Variants in PPP1R14C observed in about 807,000 individuals in gnomAD.
PPP1R14C encodes protein phosphatase 1 regulatory subunit 14C.
Under a neutral mutation model 20.4 loss-of-function variants are expected in PPP1R14C, and 16 were observed. The ratio of observed to expected loss-of-function variants is 0.78; its 90% CI spans 0.53 to 1.19. PPP1R14C has a LOEUF of 1.19. Among genes scored for constraint, PPP1R14C ranks in the 50% most tolerant of loss-of-function variants. The pLI, the probability that PPP1R14C is intolerant of heterozygous loss-of-function variation, is 0.00. For missense variants in PPP1R14C, 211 were observed against 220.1 expected (o/e 0.96, Z 0.26); for synonymous variants, 91 against 91.0 (o/e 1.00, Z 0.00).
chr6:150,230,460 T>C (rs1210236064), intron 3 of PPP1R14C, among the ~76,000 whole-genome samples: 1 of 152,210 alleles, frequency 6.6e-6, no homozygotes, highest in Non-Finnish European at 1.5e-5. Flanking sequence ...GGGAGTTGCA[T>C]GGCCCATGTG....
At chr6:150,186,693 G>A (rs770325632) in intron 1 of PPP1R14C, among the ~76,000 whole-genome samples, 10 of 152,192 alleles carry the variant, frequency 6.6e-5, no homozygotes, top group Non-Finnish European at 1.3e-4. Context: ...AGGGCCTGAG[G>A]CGGGGGATGA....
chr6:150,198,571 G>A (rs181955852), intron 1 of PPP1R14C, among the ~76,000 whole-genome samples: 2 of 152,370 alleles, frequency 1.3e-5, no homozygotes, highest in East Asian at 3.9e-4. Context: ...GTGGAAGATG[G>A]TTTTCTTGAC....
chr6:150,216,353 G>A (rs573565648), intron 2 of PPP1R14C, among the ~76,000 whole-genome samples: 16 of 152,222 alleles, frequency 1.1e-4, no homozygotes, highest in African/African-American at 2.4e-4. Context: ...AAAACTAGCC[G>A]GGTGTGGTGG....
chr6:150,233,253 T>G (rs894873463), intron 3 of PPP1R14C, among the ~76,000 whole-genome samples: 1 of 152,140 alleles, frequency 6.6e-6, no homozygotes, highest in Non-Finnish European at 1.5e-5. Flanking sequence ...GAGGGGCGGT[T>G]AGAGACCCAG....
chr6:150,179,022 T>G (rs970133038), intron 1 of PPP1R14C, among the ~76,000 whole-genome samples: 4 of 152,178 alleles, frequency 2.6e-5, no homozygotes, highest in Non-Finnish European at 5.9e-5. Flanking sequence ...CCTGTTCTAC[T>G]TCCTAAAACA....
intron 1 of PPP1R14C, among the ~76,000 whole-genome samples, chr6:150,157,611 G>A (rs1349586654): frequency 1.3e-5 from 2 of 151,316 alleles, no homozygotes; most frequent in Non-Finnish European, 2.9e-5. Flanking sequence ...AGTCCCAGAA[G>A]CATGGCACTG....
chr6:150,229,344 A>G (rs1457604532), intron 3 of PPP1R14C, among the ~76,000 whole-genome samples: 1 of 152,212 alleles, frequency 6.6e-6, no homozygotes, highest in Non-Finnish European at 1.5e-5. Context: ...TAATTTTGCC[A>G]AATTTACTCT....
rs369908658 is a variant in PPP1R14C, at chr6:150,151,592, A to G, written c.306+8094A>G. On this transcript the variant is annotated intron_variant, in intron 1 of 3. Coordinates refer to ENST00000361131, the MANE Select transcript of PPP1R14C (RefSeq NM_030949.3). ...CACCACTGCTGCTATTGTTTCTACTACTGCTGGGACTAACCCAGCTCTCAG... is the reference window on the plus strand; with the variant it reads ...CACCACTGCTGCTATTGTTTCTACTGCTGCTGGGACTAACCCAGCTCTCAG... 4.6e-5 allele frequency among the ~76,000 whole-genome samples: 7 copies of G among 152,326 alleles called. 1 individual carries two copies.
intron 3 of PPP1R14C, among the ~76,000 whole-genome samples, chr6:150,231,574 G>T (rs1778296968): frequency 6.6e-6 from 1 of 152,072 alleles, no homozygotes; most frequent in Non-Finnish European, 1.5e-5. Context: ...CAGTTCATTT[G>T]TACAATCCTT....
chr6:150,248,860 A>G lies in PPP1R14C; in HGVS notation c.*40A>G. The G allele has an allele frequency of 3.7e-6, 5 of 1,361,220 alleles. No homozygotes were observed. Among genetic ancestry groups the G allele is most frequent in the Non-Finnish European group, 5.2e-6 (5 of 958,578 alleles). 84.3% of individuals were successfully genotyped at this position (1,361,220 alleles called of 1,614,324 possible). ...GAAACTCTCCCAGAGACGAAGAAAG[A>G]GTCCTGGGATTTGTACTTCATGAAG... On this transcript the variant is annotated 3_prime_UTR_variant, in exon 4 of 4. Transcript: ENST00000361131.
chr6:150,172,095 A>C (rs1398866800), intron 1 of PPP1R14C, among the ~76,000 whole-genome samples: 1 of 152,146 alleles, frequency 6.6e-6, no homozygotes, highest in Admixed American at 6.5e-5. Flanking sequence ...GGTGTGAGCC[A>C]CTGCACCCGG....
chr6:150,202,595 G>C (rs758510734), intron 1 of PPP1R14C, among the ~76,000 whole-genome samples: 12 of 152,342 alleles, frequency 7.9e-5, no homozygotes, highest in Middle Eastern at 3.4e-3. Context: ...CGCCGGGACA[G>C]CCCTGCAGGC....
chr6:150,206,354 T>C (rs906427618), intron 1 of PPP1R14C, among the ~76,000 whole-genome samples: 2 of 152,214 alleles, frequency 1.3e-5, no homozygotes, highest in African/African-American at 4.8e-5. Flanking sequence ...AATATTTTTG[T>C]CAATTGTTTA....
intron 1 of PPP1R14C, among the ~76,000 whole-genome samples, chr6:150,197,715 C>G (rs56235233): frequency 4.4e-4 from 66 of 149,004 alleles, no homozygotes; most frequent in Middle Eastern, 3.5e-3. Flanking sequence ...CTTTGTGTGC[C>G]CCTGGCCGCC....
intron 3 of PPP1R14C, among the ~76,000 whole-genome samples, chr6:150,244,018 A>C (rs904466647): frequency 6.6e-6 from 1 of 152,146 alleles, no homozygotes; most frequent in Admixed American, 6.6e-5. Context: ...GAATGGGAGG[A>C]GGGAGATTGC....
At chr6:150,173,849 T>G (rs1777526844) in intron 1 of PPP1R14C, among the ~76,000 whole-genome samples, 1 of 152,010 alleles carries the variant, frequency 6.6e-6, no homozygotes, top group South Asian at 2.1e-4. Flanking sequence ...TCATCTCAAC[T>G]TCAGGATAGC....
intron 1 of PPP1R14C, among the ~76,000 whole-genome samples, chr6:150,168,758 A>C (rs1410557894): frequency 6.6e-6 from 1 of 152,220 alleles, no homozygotes; most frequent in Non-Finnish European, 1.5e-5. Flanking sequence ...TCATGTTTTG[A>C]GTATTTACAA....
chr6:150,174,049 T>A (rs116576737), intron 1 of PPP1R14C, among the ~76,000 whole-genome samples: 82 of 149,326 alleles, frequency 5.5e-4, no homozygotes, highest in African/African-American at 1.9e-3. Context: ...AAGGTATTAT[T>A]GAAAAATAAT....
intron 1 of PPP1R14C, among the ~76,000 whole-genome samples, chr6:150,160,256 CTTTTT>C (rs535189665): frequency 2.0e-4 from 20 of 100,910 alleles, no homozygotes; most frequent in African/African-American, 7.0e-4. Flanking sequence ...GTAGCTCATT[CTTTTT>C]TTTTTTTTTT....
Sources: allele counts gnomAD v4.1 joint callset (sites outside exome capture counted in the v4.1 genomes callset), GRCh38; gene constraint gnomAD v4.1.1; transcripts MANE v1.5; gene names NCBI Gene and HGNC (gene_info 2026-07-23, HGNC 2026-07-21).